The following TEX48 variants were observed in gnomAD, a reference collection of about 807,000 sequenced individuals.
TEX48 encodes the protein testis-expressed protein 48.
TEX48 carries 10 observed loss-of-function variants against 13.2 expected under a neutral mutation model. That is an observed-to-expected ratio of 0.75 (90% CI 0.47 to 1.28). The LOEUF is 1.28. Ranked by LOEUF, TEX48 falls within the 50% of genes most tolerant of loss-of-function variation. The pLI is 0.00. For missense variants in TEX48, 116 were observed against 139.4 expected (o/e 0.83, Z 0.84); for synonymous variants, 45 against 52.3 (o/e 0.86, Z 0.60).
At chr9:114,667,491 C>G (rs1293505300) in intron 4 of TEX48, among the ~76,000 whole-genome samples, 1 of 152,196 alleles carries the variant, frequency 6.6e-6, no homozygotes, top group African/African-American at 2.4e-5. Context: ...TGCCATGCAC[C>G]TGGCTGGATC....
intron 3 of TEX48, among the ~76,000 whole-genome samples, chr9:114,669,171 G>A (rs1827897508): frequency 6.6e-6 from 1 of 152,054 alleles, no homozygotes; most frequent in Admixed American, 6.6e-5. Context: ...ATACATTATG[G>A]CATAAATATT....
chr9:114,676,528 T>C (rs994734034), intron 1 of TEX48, among the ~76,000 whole-genome samples: 4 of 151,994 alleles, frequency 2.6e-5, no homozygotes, highest in Non-Finnish European at 5.9e-5. Flanking sequence ...AAACCTGCCA[T>C]GTTCCAGGTA....
intron 1 of TEX48, among the ~76,000 whole-genome samples, chr9:114,677,520 C>T (rs1262853556): frequency 6.6e-6 from 1 of 152,092 alleles, no homozygotes; most frequent in Non-Finnish European, 1.5e-5. Flanking sequence ...AAATGCTTGC[C>T]TCACGGGGTT....
At chr9:114,676,868 G>A (rs1181131378) in intron 1 of TEX48, among the ~76,000 whole-genome samples, 2 of 151,880 alleles carry the variant, frequency 1.3e-5, no homozygotes, top group Admixed American at 6.6e-5. Context: ...TGCCCATCTC[G>A]GCCTCCCAAA....
chr9:114,673,773 G>T (rs1479778925), intron 1 of TEX48, among the ~76,000 whole-genome samples: 1 of 151,168 alleles, frequency 6.6e-6, no homozygotes, highest in Non-Finnish European at 1.5e-5. Context: ...GGATGAATAG[G>T]ATAAGAAATA....
chr9:114,673,194 C>T (rs1343764184), intron 1 of TEX48, among the ~76,000 whole-genome samples: 8 of 151,990 alleles, frequency 5.3e-5, no homozygotes, highest in East Asian at 3.9e-4. Flanking sequence ...TCACAACGAC[C>T]GGGCGCGGTG....
At chr9:114,672,422 T>C (rs1024387329) in intron 1 of TEX48, among the ~76,000 whole-genome samples, 6 of 152,214 alleles carry the variant, frequency 3.9e-5, no homozygotes, top group Admixed American at 3.9e-4. Context: ...TATTTGTGTA[T>C]CAAGTTTTTA....
At chr9:114,667,333 A>T (rs1827859190) in intron 4 of TEX48, among the ~76,000 whole-genome samples, 1 of 152,184 alleles carries the variant, frequency 6.6e-6, no homozygotes, top group African/African-American at 2.4e-5. Context: ...CTGGGGATAG[A>T]ACTGGCGCCC....
Position 114,671,443 on chromosome 9 carries a change from A to G in TEX48, c.67T>C (p.Tyr23His), listed in dbSNP as rs757465416. The change falls in exon 3 of 5, where the codon TAT (tyrosine) becomes CAT (histidine). Residue 23 changes from tyrosine to histidine, a missense_variant. Transcript: ENST00000436752. ...GGAACCTTGGAGTCATTGATGGCAT[A>G]GGGCTCCTGACAGTCCCTGCAGCAT... is the stretch of plus-strand genomic sequence containing the variant. The part of the protein sequence containing the change: ...CLCCRDCQEP[Y>H]AINDSKVPSQ... The G allele has an allele frequency of 1.3e-5, 20 of 1,535,420 alleles. No individual in the cohort carries two copies. The African/African-American group carries it at 2.2e-4, about 17-fold the overall frequency.
At chr9:114,671,563 A>G (rs1275131592) in intron 2 of TEX48, 58 bp from the exon 3 acceptor site, 4 of 1,532,178 alleles carry the variant, frequency 2.6e-6, no homozygotes, top group African/African-American at 2.7e-5. Context: ...CCAGATGCCT[A>G]TTGGAAATTG....
intron 3 of TEX48, among the ~76,000 whole-genome samples, chr9:114,669,260 T>C (rs1827899852): frequency 6.6e-6 from 1 of 152,174 alleles, no homozygotes; most frequent in Non-Finnish European, 1.5e-5. Context: ...TTAACCAAAG[T>C]TCCAATGTTG....
Position 114,669,305 on chromosome 9 carries a change from A to T in TEX48, c.128-968T>A, listed in dbSNP as rs546528743. 4.8e-4 allele frequency among the ~76,000 whole-genome samples: 73 copies of T among 152,048 alleles called. 1 individual carries two copies. Among genetic ancestry groups the T allele is most frequent in the Non-Finnish European group, 9.4e-4 (64 of 67,962 alleles). On this transcript the variant is annotated intron_variant, in intron 3 of 4. Coordinates refer to ENST00000436752, the MANE Select transcript of TEX48 (RefSeq NM_001199233.2). ...TTTATTTATTTATTTTTTTGAGAGA[A>T]TCTCACTCTGGTACCTAGGCTGGAG...
Position 114,671,768 on chromosome 9 carries a change from G to A in TEX48, c.-45C>T, listed in dbSNP as rs1221961685. On this transcript the variant is annotated 5_prime_UTR_variant, in exon 2 of 5. Coordinates refer to ENST00000436752, the MANE Select transcript of TEX48 (RefSeq NM_001199233.2). ...TACTCTGCCAGCTTTGTCTGCAGGGGTGCCTTGTTGAATCAGCCAGTCTTG... is the reference window on the plus strand; with the variant it reads ...TACTCTGCCAGCTTTGTCTGCAGGGATGCCTTGTTGAATCAGCCAGTCTTG... The A allele has an allele frequency of 6.5e-7, 1 of 1,535,050 alleles. No individual in the cohort carries two copies. Among genetic ancestry groups the A allele is most frequent in the South Asian group, 1.2e-5 (1 of 84,042 alleles).
At chr9:114,671,290 T>A in intron 3 of TEX48, 93 bp downstream of exon 3, 1 of 1,410,548 alleles carries the variant, frequency 7.1e-7, no homozygotes, top group Non-Finnish European at 9.5e-7. Context: ...TCAGTGATAG[T>A]GATGAAGGCA....
At chr9:114,669,518 C>T (rs138140469) in intron 3 of TEX48, among the ~76,000 whole-genome samples, 15 of 152,022 alleles carry the variant, frequency 9.9e-5, no homozygotes, top group East Asian at 5.8e-4. Context: ...CTCGGCTCAC[C>T]GCAACCTCCA....
intron 1 of TEX48, among the ~76,000 whole-genome samples, chr9:114,677,141 T>C (rs1009210480): frequency 6.6e-6 from 1 of 152,180 alleles, no homozygotes; most frequent in Non-Finnish European, 1.5e-5. Context: ...GATGTCACCA[T>C]TGTGTGGATT....
intron 3 of TEX48, among the ~76,000 whole-genome samples, chr9:114,669,259 G>C (rs968271575): frequency 6.6e-6 from 1 of 152,066 alleles, no homozygotes; most frequent in African/African-American, 2.4e-5. Flanking sequence ...TTTAACCAAA[G>C]TTCCAATGTT....
chr9:114,679,973 A>G (rs1828156120), intron 1 of TEX48, among the ~76,000 whole-genome samples: 1 of 152,148 alleles, frequency 6.6e-6, no homozygotes, highest in African/African-American at 2.4e-5. Flanking sequence ...GCCTGGATTA[A>G]TATCACAGGT....
intron 1 of TEX48, among the ~76,000 whole-genome samples, 157 bp downstream of exon 1, chr9:114,681,874 CAGAG>C (rs138378785): frequency 6.6e-6 from 1 of 151,590 alleles, no homozygotes; most frequent in African/African-American, 2.4e-5. Flanking sequence ...GACTGGGACC[CAGAG>C]AGAGAGAGAA....
Sources: allele counts gnomAD v4.1 joint callset (sites outside exome capture counted in the v4.1 genomes callset), GRCh38; gene constraint gnomAD v4.1.1; transcripts MANE v1.5; gene names NCBI Gene and HGNC (gene_info 2026-07-23, HGNC 2026-07-21).